The following OR6C74 variants were observed in gnomAD, a reference collection of about 807,000 sequenced individuals.
The protein encoded by OR6C74 is olfactory receptor 6C74.
For synonymous variants in OR6C74, 142 were observed against 134.2 expected, an observed-to-expected ratio of 1.06 and a Z score of -0.40; for missense variants, 361 against 362.9, an observed-to-expected ratio of 0.99 and a Z score of 0.04.
rs944628985 is a variant in OR6C74 at position 55,254,086 on chromosome 12, A to T, written c.*5860A>T. On this transcript the variant is annotated 3_prime_UTR_variant, in exon 2 of 2. Coordinates refer to ENST00000343399, the MANE Select transcript of OR6C74 (RefSeq NM_001005490.2). ...TAACCACACTGAATATGCTCATATC[A>T]GTTAAGTGCTATTACATAGCCTCTG... is the stretch of plus-strand genomic sequence containing the variant. Among the ~76,000 whole-genome samples, 2 of 152,114 alleles carry T rather than the reference A, an allele frequency of 1.3e-5. No homozygotes were observed. The highest frequency in any genetic ancestry group is 1.3e-4 in the Admixed American group (2 of 15,256).
rs968632980 is a variant in OR6C74, at chr12:55,249,136, A to G, written c.*910A>G. ...CAGTAAGACCTTTGTAGAACATTCT[A>G]TAGATTTATGGATGTCATAGATAAA... On this transcript the variant is annotated 3_prime_UTR_variant, in exon 2 of 2. Transcript: ENST00000343399. Among the ~76,000 whole-genome samples, 13 of 152,182 alleles carry G rather than the reference A, an allele frequency of 8.5e-5. No individual in the cohort carries two copies. The highest frequency in any genetic ancestry group is 3.1e-4 in the African/African-American group (13 of 41,450).
chr12:55,255,157 C>T lies in OR6C74; in HGVS notation c.*6931C>T, dbSNP rs1954335225. On this transcript the variant is annotated 3_prime_UTR_variant, in exon 2 of 2. Coordinates refer to ENST00000343399, the MANE Select transcript of OR6C74 (RefSeq NM_001005490.2). Reference sequence around the variant, plus strand: ...CAGGTTGGGCAGGTTTTCTAGCTATCTCTTTAAAATAGTGGGGGTTCCCTA... The same window carrying T: ...CAGGTTGGGCAGGTTTTCTAGCTATTTCTTTAAAATAGTGGGGGTTCCCTA... 6.6e-6 allele frequency among the ~76,000 whole-genome samples: 1 copy of T among 152,020 alleles called. No individual in the cohort carries two copies. The highest frequency in any genetic ancestry group is 1.5e-5 in the Non-Finnish European group (1 of 67,962).
Position 55,251,514 on chromosome 12 carries a change from T to C in OR6C74, c.*3288T>C, listed in dbSNP as rs937815685. ...GATGAGTGAAGTTAATATGTTCATC[T>C]ATAAAATAAGATTAAAATGTGGCAT... is the stretch of plus-strand genomic sequence containing the variant. On this transcript the variant is annotated 3_prime_UTR_variant, in exon 2 of 2. Transcript: ENST00000343399. 6.6e-6 allele frequency among the ~76,000 whole-genome samples: 1 copy of C among 152,032 alleles called. No individual in the cohort carries two copies.
chr12:55,249,063 G>A lies in OR6C74; in HGVS notation c.*837G>A, dbSNP rs1432173153. Among the ~76,000 whole-genome samples the A allele has an allele frequency of 1.3e-5, 2 of 152,108 alleles. No individual in the cohort carries two copies. Among genetic ancestry groups the A allele is most frequent in the Non-Finnish European group, 2.9e-5 (2 of 68,008 alleles). On this transcript the variant is annotated 3_prime_UTR_variant, in exon 2 of 2. Coordinates refer to ENST00000343399, the MANE Select transcript of OR6C74 (RefSeq NM_001005490.2). The stretch of plus-strand genomic sequence containing the variant: ...ACCGCTTACACATTTTTAGCAAAAC[G>A]AAGTGAAAATCTCTCTCTGCTCTTA...
intron 1 of OR6C74, among the ~76,000 whole-genome samples, chr12:55,245,563 G>A (rs73322874): frequency 0.016 from 2,499 of 152,104 alleles, 64 homozygotes; most frequent in African/African-American, 0.05. Context: ...CTATACTGGT[G>A]GTTGGAAACA....
At position 55,253,069 on chromosome 12, in the gene OR6C74, G is replaced by A. The variant is rs1487357514; in HGVS notation, c.*4843G>A. ...GTGGGCTATGGTTTGCTGGCCTGTGGAATAAATGATGGCAAAGGGCTAGAG... is the reference window on the plus strand; with the variant it reads ...GTGGGCTATGGTTTGCTGGCCTGTGAAATAAATGATGGCAAAGGGCTAGAG... On this transcript the variant is annotated 3_prime_UTR_variant, in exon 2 of 2. Transcript: ENST00000343399. Among the ~76,000 whole-genome samples the A allele has an allele frequency of 6.6e-6, 1 of 151,832 alleles. No homozygotes were observed. Among genetic ancestry groups the A allele is most frequent in the African/African-American group, 2.4e-5 (1 of 41,350 alleles).
At chr12:55,245,657 T>A (rs1402112340) in intron 1 of OR6C74, among the ~76,000 whole-genome samples, 1 of 152,044 alleles carries the variant, frequency 6.6e-6, no homozygotes, top group African/African-American at 2.4e-5. Flanking sequence ...TTATAATAGT[T>A]TTTTCATTGC....
rs568057968 is a variant in OR6C74, at chr12:55,249,470, A to C, written c.*1244A>C. On this transcript the variant is annotated 3_prime_UTR_variant, in exon 2 of 2. Transcript: ENST00000343399. ...ATACATTTTATCTTAATGTATTTCC[A>C]AGTGTATATAACTTTGTCATATCCC... Among the ~76,000 whole-genome samples the C allele has an allele frequency of 6.6e-4, 97 of 148,038 alleles. No individual in the cohort carries two copies. The highest frequency in any genetic ancestry group is 6.9e-3 in the Middle Eastern group (2 of 288).
Position 55,252,046 on chromosome 12 carries a change from G to A in OR6C74, c.*3820G>A, listed in dbSNP as rs1414515148. On this transcript the variant is annotated 3_prime_UTR_variant, in exon 2 of 2. Coordinates refer to ENST00000343399, the MANE Select transcript of OR6C74 (RefSeq NM_001005490.2). ...TTTCATGGTACATGCACATTTATCA[G>A]TTTATAATTTATATATAAACAATAG... 1.3e-5 allele frequency among the ~76,000 whole-genome samples: 2 copies of A among 151,072 alleles called. No individual in the cohort carries two copies. The highest frequency in any genetic ancestry group is 2.4e-5 in the African/African-American group (1 of 41,240).
rs182075414 is a variant in OR6C74 at position 55,251,866 on chromosome 12, A to C, written c.*3640A>C. On this transcript the variant is annotated 3_prime_UTR_variant, in exon 2 of 2. Transcript: ENST00000343399. ...AATATTTAGGGTACTAATGACATGG[A>C]GCTTGAGAAAAAATTGCTTATAAGA... 5.9e-5 allele frequency among the ~76,000 whole-genome samples: 9 copies of C among 151,828 alleles called. No individual in the cohort carries two copies. Among genetic ancestry groups the C allele is most frequent in the Non-Finnish European group, 1.2e-4 (8 of 67,770 alleles).
At position 55,253,166 on chromosome 12, in the gene OR6C74, T is replaced by G. The variant is rs1954321969; in HGVS notation, c.*4940T>G. ...GTATTATCTATTAATCCATAAACATTCATTCCCAAAATCAATAACTGGATA... is the reference window on the plus strand; with the variant it reads ...GTATTATCTATTAATCCATAAACATGCATTCCCAAAATCAATAACTGGATA... On this transcript the variant is annotated 3_prime_UTR_variant, in exon 2 of 2. Coordinates refer to ENST00000343399, the MANE Select transcript of OR6C74 (RefSeq NM_001005490.2). Among the ~76,000 whole-genome samples, 1 of 152,100 alleles carries G rather than the reference T, an allele frequency of 6.6e-6. No individual in the cohort carries two copies. Among genetic ancestry groups the G allele is most frequent in the South Asian group, 2.1e-4 (1 of 4,832 alleles).
In OR6C74 at chr12:55,256,273, G is replaced by C. The variant is rs1378437184; in HGVS notation, c.*8047G>C. 6.6e-6 allele frequency among the ~76,000 whole-genome samples: 1 copy of C among 151,742 alleles called. No homozygotes were observed. Among genetic ancestry groups the C allele is most frequent in the Non-Finnish European group, 1.5e-5 (1 of 67,894 alleles). On this transcript the variant is annotated 3_prime_UTR_variant, in exon 2 of 2. Transcript: ENST00000343399. ...GCCTATAAATGGACGCATTGGGGGGGCACCTGTTCATATGGATAAGATAGG... is the reference window on the plus strand; with the variant it reads ...GCCTATAAATGGACGCATTGGGGGGCCACCTGTTCATATGGATAAGATAGG...
chr12:55,248,634 A>G lies in OR6C74; in HGVS notation c.*408A>G, dbSNP rs942650880. ...CACTTAACGCGTGCATTATTGGTGG[A>G]TACAAAAGTGAAATCTGCTTTCTTT... On this transcript the variant is annotated 3_prime_UTR_variant, in exon 2 of 2. Transcript: ENST00000343399. Among the ~76,000 whole-genome samples, 1 of 152,218 alleles carries G rather than the reference A, an allele frequency of 6.6e-6. No individual in the cohort carries two copies. Among genetic ancestry groups the G allele is most frequent in the Non-Finnish European group, 1.5e-5 (1 of 68,032 alleles).
rs1274830611 is a variant in OR6C74, at chr12:55,256,381, A to T, written c.*8155A>T. Among the ~76,000 whole-genome samples, 1 of 151,994 alleles carries T rather than the reference A, an allele frequency of 6.6e-6. No individual in the cohort carries two copies. The highest frequency in any genetic ancestry group is 1.5e-5 in the Non-Finnish European group (1 of 67,964). On this transcript the variant is annotated 3_prime_UTR_variant, in exon 2 of 2. Coordinates refer to ENST00000343399, the MANE Select transcript of OR6C74 (RefSeq NM_001005490.2). ...ACTCCCTTCTGATATTTTCCGGTCT[A>T]ACCGGTTGTCTAGCTTCACCTCCTG...
rs1954291354 is a variant in OR6C74 at position 55,248,391 on chromosome 12, C to G, written c.*165C>G. The stretch of plus-strand genomic sequence containing the variant: ...CAAAGCCTAACCTTCACTGCCATTT[C>G]TCCCTCATGCTGAGATCACATAGAA... On this transcript the variant is annotated 3_prime_UTR_variant, in exon 2 of 2. Transcript: ENST00000343399. 1.8e-6 allele frequency: 1 copy of G among 570,322 alleles called. No individual in the cohort carries two copies. Among genetic ancestry groups the G allele is most frequent in the Admixed American group, 3.3e-5 (1 of 30,392 alleles). The allele number at this position is 570,322 out of a possible 1,614,324, so 35.3% of individuals were successfully genotyped here.
chr12:55,246,530 T>C (rs1354285664), intron 1 of OR6C74, among the ~76,000 whole-genome samples: 1 of 152,152 alleles, frequency 6.6e-6, no homozygotes, highest in Non-Finnish European at 1.5e-5. Context: ...AAATAGTTTG[T>C]TTTGTAGGAC....
rs757332569 is a variant in OR6C74 at position 55,248,226 on chromosome 12, A to G, written c.939A>G (p.Ter313TrpextTer13). The G allele has an allele frequency of 2.5e-6, 4 of 1,571,300 alleles. No homozygotes were observed. In the African/African-American group the frequency reaches 5.4e-5, roughly 21 times the overall value. ...AGATTGAACTTTTCTCAATGAAATG[A>G]ATCACTTTAACGATATTATTAAGGT... ...VKKIELFSMK* is the reference protein window; with the variant it reads ...VKKIELFSMKW Residue 313 changes from the stop codon to tryptophan, a stop_lost, in exon 2 of 2, where the codon TGA becomes TGG. Coordinates refer to ENST00000343399, the MANE Select transcript of OR6C74 (RefSeq NM_001005490.2).
chr12:55,255,578 T>C lies in OR6C74; in HGVS notation c.*7352T>C, dbSNP rs2136316715. Among the ~76,000 whole-genome samples the C allele has an allele frequency of 6.6e-6, 1 of 152,000 alleles. No homozygotes were observed. The highest frequency in any genetic ancestry group is 1.9e-4 in the East Asian group (1 of 5,160). On this transcript the variant is annotated 3_prime_UTR_variant, in exon 2 of 2. Coordinates refer to ENST00000343399, the MANE Select transcript of OR6C74 (RefSeq NM_001005490.2). ...TCAATGATAGGTTGGATAAAGAAAA[T>C]GTGGTACATATACACCATGGAACAC...
chr12:55,247,511 A>G lies in OR6C74; in HGVS notation c.224A>G (p.Tyr75Cys), dbSNP rs4388990. The change falls in exon 2 of 2, where the codon TAC becomes TGC. Residue 75 changes from tyrosine (Y) to cysteine (C), a missense_variant. Transcript: ENST00000343399. ...SFLEVSFTTV[Y>C]IPKFLVSMAT... is the part of the protein sequence containing the mutation. The stretch of plus-strand genomic sequence containing the variant: ...TTAGAAGTCTCATTCACAACTGTCT[A>G]CATTCCCAAATTTCTTGTTAGTATG... The G allele has an allele frequency of 0.29, 466,821 of 1,611,814 alleles. 70,261 individuals carry two copies. Among genetic ancestry groups the G allele is most frequent in the Middle Eastern group, 0.38 (2,320 of 6,052 alleles).
Sources: allele counts gnomAD v4.1 joint callset (sites outside exome capture counted in the v4.1 genomes callset), GRCh38; gene constraint gnomAD v4.1.1; transcripts MANE v1.5; gene names NCBI Gene and HGNC (gene_info 2026-07-23, HGNC 2026-07-21).